The following MFSD6 variants were observed in gnomAD, a reference collection of about 807,000 sequenced individuals.
MFSD6 encodes the protein major facilitator superfamily domain containing 6.
MFSD6 carries 26 observed loss-of-function variants against 56.3 expected under a neutral mutation model. The ratio of observed to expected loss-of-function variants is 0.46; its 90% CI spans 0.34 to 0.64. MFSD6 has a LOEUF of 0.64. Among genes scored for constraint, MFSD6 ranks in the 30% least tolerant of loss-of-function variants. MFSD6 has a pLI of 0.01. For missense variants in MFSD6, 750 were observed against 986.2 expected (o/e 0.76, Z 3.21); for synonymous variants, 331 against 366.9 (o/e 0.90, Z 1.12).
At chr2:190,450,813 T>TA (rs1446488963) in intron 3 of MFSD6, among the ~76,000 whole-genome samples, 1 of 152,178 alleles carries the variant, frequency 6.6e-6, no homozygotes, top group Non-Finnish European at 1.5e-5. Flanking sequence ...TTCTTTCCTT[T>TA]AAAAAGTTAA....
At position 190,436,165 on chromosome 2, in the gene MFSD6, A is replaced by G; in HGVS notation, c.136A>G (p.Thr46Ala). 6.2e-7 allele frequency: 1 copy of G among 1,614,194 alleles called. No individual in the cohort carries two copies. The highest frequency in any genetic ancestry group is 1.1e-5 in the South Asian group (1 of 91,090). The change falls in exon 3 of 8, where the codon ACA becomes GCA. Residue 46 changes from threonine (T) to alanine (A), a missense_variant. Thr to Ala is a moderately conservative substitution (Grantham distance 58). Transcript: ENST00000392328. The surrounding 1 kb of genome is among the most constrained non-coding windows in gnomAD (Gnocchi z 5.3). ...PSNETPSSTE[T>A]SAIPEEEIDW... ...GAATGAAACACCTTCCTCCACAGAA[A>G]CATCTGCTATTCCTGAGGAGGAAAT...
chr2:190,470,353 C>A (rs1442623914), intron 4 of MFSD6, among the ~76,000 whole-genome samples: 2 of 152,166 alleles, frequency 1.3e-5, no homozygotes, highest in Non-Finnish European at 2.9e-5. Context: ...AATCTCTGCT[C>A]AAATGTCCTG....
rs904306424 is a variant in MFSD6, at chr2:190,498,181, G to A, written c.2172+462G>A. 6.6e-6 allele frequency among the ~76,000 whole-genome samples: 1 copy of A among 152,126 alleles called. No homozygotes were observed. Among genetic ancestry groups the A allele is most frequent in the Non-Finnish European group, 1.5e-5 (1 of 68,016 alleles). ...TATGGTTATGCAGGTGGCCTCACCT[G>A]AAAAATAAGTCTAAAAGTGTGATTT... On this transcript the variant is annotated intron_variant, in intron 7 of 7. Coordinates refer to ENST00000392328, the MANE Select transcript of MFSD6 (RefSeq NM_017694.4). The surrounding 1 kb of genome is among the most constrained non-coding windows in gnomAD (Gnocchi z 5.9).
chr2:190,490,334 C>A lies in MFSD6; in HGVS notation c.1891+468C>A, dbSNP rs187162314. Among the ~76,000 whole-genome samples the A allele has an allele frequency of 1.5e-3, 232 of 151,588 alleles. 1 individual carries two copies. The highest frequency in any genetic ancestry group is 6.8e-3 in the Middle Eastern group (2 of 294). On this transcript the variant is annotated intron_variant, in intron 6 of 7. Transcript: ENST00000392328. The surrounding 1 kb of genome is among the most constrained non-coding windows in gnomAD (Gnocchi z 4.5). ...ATCCCAACACTTTGGGAGGCCGAGG[C>A]GGGTGGATCACGAGGTTAGGAGATC...
In MFSD6 at chr2:190,499,701, T is replaced by G; in HGVS notation, c.2173-314T>G. On this transcript the variant is annotated intron_variant, in intron 7 of 7. Transcript: ENST00000392328. This position sits in a 1 kb window ranked among gnomAD's most constrained non-coding sequence, Gnocchi z 6.0. ...TTGCCCAGCGACTTGCCACATGGCT[T>G]GGGGGGCTCAGTAAATATTTGCTGA... 2.0e-6 allele frequency: 2 copies of G among 1,006,624 alleles called. No individual in the cohort carries two copies. The highest frequency in any genetic ancestry group is 2.7e-6 in the Non-Finnish European group (2 of 734,302). The allele number at this position is 1,006,624 out of a possible 1,614,324, so 62.4% of individuals were successfully genotyped here. A position where few individuals can be genotyped will look rare whatever the true frequency, so the allele number is the denominator to read the frequency against.
In MFSD6 at chr2:190,438,478, T is replaced by C. The variant is rs1686255162; in HGVS notation, c.1532+917T>C. ...TTGCAGTGAGTCAAGATCACACCAC[T>C]GCACACCAGCCTGGGCAACAGAGTG... is the stretch of plus-strand genomic sequence containing the variant. On this transcript the variant is annotated intron_variant, in intron 3 of 7. Transcript: ENST00000392328. The surrounding 1 kb of genome is among the most constrained non-coding windows in gnomAD (Gnocchi z 5.2). Among the ~76,000 whole-genome samples the C allele has an allele frequency of 2.6e-5, 4 of 152,184 alleles. 1 individual carries two copies. In the South Asian group the frequency reaches 8.3e-4, roughly 32 times the overall value.
In MFSD6 at chr2:190,426,965, G is replaced by A. The variant is rs1291228797; in HGVS notation, c.-53-9012G>A. Among the ~76,000 whole-genome samples, 12 of 152,220 alleles carry A rather than the reference G, an allele frequency of 7.9e-5. No homozygotes were observed. Among genetic ancestry groups the A allele is most frequent in the Non-Finnish European group, 2.9e-5 (2 of 68,044 alleles). ...CCTCACTCAGCCTCTTTGGATACCTGAAGGTGAAAGACTTTTCATTACTGT... is the reference window on the plus strand; with the variant it reads ...CCTCACTCAGCCTCTTTGGATACCTAAAGGTGAAAGACTTTTCATTACTGT... On this transcript the variant is annotated intron_variant, in intron 2 of 7. Coordinates refer to ENST00000392328, the MANE Select transcript of MFSD6 (RefSeq NM_017694.4). The surrounding 1 kb of genome is among the most constrained non-coding windows in gnomAD (Gnocchi z 4.7).
In MFSD6 at chr2:190,467,081, A is replaced by G. The variant is rs1029201016; in HGVS notation, c.1533-2677A>G. Among the ~76,000 whole-genome samples, 9 of 152,216 alleles carry G rather than the reference A, an allele frequency of 5.9e-5. No homozygotes were observed. Among genetic ancestry groups the G allele is most frequent in the Non-Finnish European group, 1.2e-4 (8 of 68,036 alleles). ...TCAAAAGACAGCTTCAGGATAGACA[A>G]TTTGTGAACACTAGGAAAGTGGATT... On this transcript the variant is annotated intron_variant, in intron 3 of 7. Transcript: ENST00000392328. The surrounding 1 kb of genome is among the most constrained non-coding windows in gnomAD (Gnocchi z 5.5).
At position 190,457,172 on chromosome 2, in the gene MFSD6, C is replaced by T. The variant is rs1287283714; in HGVS notation, c.1533-12586C>T. On this transcript the variant is annotated intron_variant, in intron 3 of 7. Coordinates refer to ENST00000392328, the MANE Select transcript of MFSD6 (RefSeq NM_017694.4). This position sits in a 1 kb window ranked among gnomAD's most constrained non-coding sequence, Gnocchi z 5.1. ...TTGGAGTGTGGAAAATAGCACATTGCTATTACCTACTGAAAGAGCATGGTC... is the reference window on the plus strand; with the variant it reads ...TTGGAGTGTGGAAAATAGCACATTGTTATTACCTACTGAAAGAGCATGGTC... 6.6e-6 allele frequency among the ~76,000 whole-genome samples: 1 copy of T among 152,102 alleles called. No individual in the cohort carries two copies. Among genetic ancestry groups the T allele is most frequent in the Non-Finnish European group, 1.5e-5 (1 of 68,000 alleles).
upstream of MFSD6, chr2:190,408,323 C>A: frequency 6.6e-6 from 1 of 150,872 alleles, no homozygotes; most frequent in South Asian, 1.9e-4. Context: ...GTCCGCATCC[C>A]TCGCCTCGCC....
chr2:190,411,773 C>T (rs1431439065), intron 1 of MFSD6: 1 of 985,204 alleles, frequency 1.0e-6, no homozygotes, highest in Admixed American at 6.2e-5. Flanking sequence ...CTGGCTTTTA[C>T]TTTTTCTAAT....
chr2:190,426,213 C>G lies in MFSD6; in HGVS notation c.-53-9764C>G, dbSNP rs1031552950. Among the ~76,000 whole-genome samples the G allele has an allele frequency of 9.9e-5, 15 of 152,140 alleles. No homozygotes were observed. Among genetic ancestry groups the G allele is most frequent in the Admixed American group, 3.9e-4 (6 of 15,270 alleles). Reference sequence around the variant, plus strand: ...AACATTAGATCTTTAGTTACAGTCCCATAGGTCCTTAAGGCTCTTTCACTT... The same window carrying G: ...AACATTAGATCTTTAGTTACAGTCCGATAGGTCCTTAAGGCTCTTTCACTT... On this transcript the variant is annotated intron_variant, in intron 2 of 7. Transcript: ENST00000392328. The surrounding 1 kb of genome is among the most constrained non-coding windows in gnomAD (Gnocchi z 4.7).
rs926744604 is a variant in MFSD6 at position 190,438,720 on chromosome 2, G to A, written c.1532+1159G>A. ...GAAGTTGCTGTAACTAAAAGCAACC[G>A]TATGTGTTTGTGTGTATTTAAATCT... On this transcript the variant is annotated intron_variant, in intron 3 of 7. Coordinates refer to ENST00000392328, the MANE Select transcript of MFSD6 (RefSeq NM_017694.4). This position sits in a 1 kb window ranked among gnomAD's most constrained non-coding sequence, Gnocchi z 5.2. Among the ~76,000 whole-genome samples the A allele has an allele frequency of 1.3e-5, 2 of 152,118 alleles. No individual in the cohort carries two copies. Among genetic ancestry groups the A allele is most frequent in the Non-Finnish European group, 2.9e-5 (2 of 68,026 alleles).
Position 190,451,318 on chromosome 2 carries a change from T to C in MFSD6, c.1532+13757T>C, listed in dbSNP as rs531454523. Among the ~76,000 whole-genome samples the C allele has an allele frequency of 2.8e-4, 42 of 152,310 alleles. No individual in the cohort carries two copies. The South Asian group carries it at 7.7e-3, about 28-fold the overall frequency. On this transcript the variant is annotated intron_variant, in intron 3 of 7. Coordinates refer to ENST00000392328, the MANE Select transcript of MFSD6 (RefSeq NM_017694.4). The surrounding 1 kb of genome is among the most constrained non-coding windows in gnomAD (Gnocchi z 5.0). ...AACTTCATAGCATTGTCCTTAAGAT[T>C]AAATGAGATAATGCTAGCAAGCACA...
At chr2:190,477,035 C>T (rs10931454) in intron 4 of MFSD6, among the ~76,000 whole-genome samples, 1,678 of 124,664 alleles carry the variant, frequency 0.013, 47 homozygotes, top group African/African-American at 0.051. Flanking sequence ...AGGGGAACAT[C>T]ACACACTGGG....
chr2:190,422,143 T>C (rs1188116380), intron 2 of MFSD6, among the ~76,000 whole-genome samples: 1 of 152,262 alleles, frequency 6.6e-6, no homozygotes, highest in Non-Finnish European at 1.5e-5. Flanking sequence ...GTTCTGTTTA[T>C]TTAACTTTCT....
chr2:190,450,258 A>G (rs1686729833), intron 3 of MFSD6, among the ~76,000 whole-genome samples: 1 of 152,118 alleles, frequency 6.6e-6, no homozygotes, highest in Non-Finnish European at 1.5e-5. Flanking sequence ...GCAGACTGCA[A>G]TTATATAATT....
intron 3 of MFSD6, chr2:190,445,049 T>TTAACACCAA: frequency 6.1e-6 from 1 of 163,882 alleles, no homozygotes; most frequent in Non-Finnish European, 1.3e-5. Context: ...GAGTAGGCCT[T>TTAACACCAA]GGTGTTAAGT....
chr2:190,481,466 G>A (rs886466139), intron 4 of MFSD6, among the ~76,000 whole-genome samples: 41 of 152,224 alleles, frequency 2.7e-4, no homozygotes, highest in African/African-American at 9.6e-4. Flanking sequence ...GTAGACCACT[G>A]CCTACCCTGT....
Sources: allele counts gnomAD v4.1 joint callset (sites outside exome capture counted in the v4.1 genomes callset), GRCh38; gene constraint gnomAD v4.1.1; non-coding constraint Gnocchi (gnomAD v3.1); transcripts MANE v1.5; gene names NCBI Gene and HGNC (gene_info 2026-07-23, HGNC 2026-07-21).